HSF4: variants seen among roughly 807,000 people sequenced by gnomAD.
HSF4 encodes the protein heat shock factor protein 4.
In HSF4, 41 loss-of-function variants were observed where a neutral mutation model predicts 52.0. That is an observed-to-expected ratio of 0.79 (90% CI 0.61 to 1.02). HSF4 has a LOEUF of 1.02. Among genes scored for constraint, HSF4 ranks in the 50% least tolerant of loss-of-function variants. HSF4 has a pLI of 0.00. For missense variants in HSF4, 610 were observed against 651.1 expected (o/e 0.94, Z 0.69); for synonymous variants, 285 against 273.0 (o/e 1.04, Z -0.43).
Position 67,165,566 on chromosome 16 carries a change from G to A in HSF4, c.168G>A (p.Lys56=), listed in dbSNP as rs1382177581. The A allele has an allele frequency of 6.2e-7, 1 of 1,613,210 alleles. No individual in the cohort carries two copies. The highest frequency in any genetic ancestry group is 1.3e-5 in the African/African-American group (1 of 74,936). The part of the protein sequence containing the change: ...FLVSDQSRFA[K]EVLPQYFKHS... Reference sequence around the variant, plus strand: ...TAAGCGACCAGAGCCGTTTCGCCAAGGAAGTGCTGCCCCAGTATTTCAAGC... The same window carrying A: ...TAAGCGACCAGAGCCGTTTCGCCAAAGAAGTGCTGCCCCAGTATTTCAAGC... Residue 56 remains lysine, a synonymous_variant, in exon 2 of 13, where the codon AAG becomes AAA. Coordinates refer to ENST00000521374, the MANE Select transcript of HSF4 (RefSeq NM_001374675.1). The surrounding 1 kb of genome is among the most constrained non-coding windows in gnomAD (Gnocchi z 6.9).
Position 67,167,814 on chromosome 16 carries a change from T to C in HSF4, c.949T>C (p.Cys317Arg), listed in dbSNP as rs1389167093. The change falls in exon 9 of 13, where the codon TGC becomes CGC. Residue 317 changes from cysteine to arginine, a missense_variant. Physicochemically the swap from Cys to Arg is radical, Grantham distance 180. Coordinates refer to ENST00000521374, the MANE Select transcript of HSF4 (RefSeq NM_001374675.1). ...CCTGGCCCCAAACGAGTGTGACTTCTGCGTGACAGCCCCCCCGCCACTGCC... is the reference window on the plus strand; with the variant it reads ...CCTGGCCCCAAACGAGTGTGACTTCCGCGTGACAGCCCCCCCGCCACTGCC... ...LALAPNECDF[C>R]VTAPPPLPVA... 1 of 1,594,354 alleles carries C rather than the reference T, an allele frequency of 6.3e-7. No individual in the cohort carries two copies. The highest frequency in any genetic ancestry group is 8.5e-7 in the Non-Finnish European group (1 of 1,171,272).
chr16:67,163,910 C>T, upstream of HSF4: 2 of 1,518,776 alleles, frequency 1.3e-6, no homozygotes, highest in Non-Finnish European at 8.8e-7. Flanking sequence ...GTGCTAGTGC[C>T]TTCTTTTGGG....
intron 10 of HSF4, 27 bp downstream of exon 10, chr16:67,168,963 G>A: frequency 6.2e-7 from 1 of 1,613,102 alleles, no homozygotes; most frequent in South Asian, 1.1e-5. Context: ...CTGAAACAGG[G>A]GCATGAGACC....
upstream of HSF4, chr16:67,164,317 C>A: frequency 2.6e-6 from 1 of 386,152 alleles, no homozygotes; most frequent in Non-Finnish European, 5.1e-6. Context: ...AGGGTCGGGG[C>A]ACTCACACCC....
At chr16:67,163,878 G>GC (rs965162501), upstream of HSF4, 2 of 1,526,712 alleles carry the variant, frequency 1.3e-6, no homozygotes, top group East Asian at 4.6e-5. Context: ...GGGAACGGGG[G>GC]GGGTGTCCAG....
chr16:67,168,086 C>CTCTT (rs2031437922), intron 9 of HSF4, 139 bp downstream of exon 9: 1 of 774,564 alleles, frequency 1.3e-6, no homozygotes, highest in Non-Finnish European at 2.2e-6. Context: ...AAAGCAGAGC[C>CTCTT]TCCCAGTCAG....
At chr16:67,164,665 C>G (rs2031105380), upstream of HSF4, 3 of 959,046 alleles carry the variant, frequency 3.1e-6, no homozygotes, top group South Asian at 1.7e-5. Flanking sequence ...GTCCGAGCCC[C>G]GCCCCGCGGG....
chr16:67,164,948 C>A lies in HSF4; in HGVS notation c.123+14C>A, dbSNP rs756347785. On this transcript the variant is annotated intron_variant, in intron 1 of 12. Coordinates refer to ENST00000521374, the MANE Select transcript of HSF4 (RefSeq NM_001374675.1). ...CGCTGGAGCCCGGTGAGGGCCGGGGCCCCTCGATTCCCCCTGTGGTCCCGG... is the reference window on the plus strand; with the variant it reads ...CGCTGGAGCCCGGTGAGGGCCGGGGACCCTCGATTCCCCCTGTGGTCCCGG... The A allele has an allele frequency of 1.9e-6, 3 of 1,591,312 alleles. No homozygotes were observed. Among genetic ancestry groups the A allele is most frequent in the South Asian group, 2.3e-5 (2 of 88,368 alleles).
rs370083477 is a variant in HSF4, at chr16:67,168,498, A to AAG, written c.1083-317_1083-316dup. Among the ~76,000 whole-genome samples, 753 of 151,062 alleles carry AAG rather than the reference A, an allele frequency of 5.0e-3. 6 individuals carry two copies. The highest frequency in any genetic ancestry group is 7.4e-3 in the Non-Finnish European group (499 of 67,672). On this transcript the variant is annotated intron_variant, in intron 9 of 12. Transcript: ENST00000521374. Reference sequence around the variant, plus strand: ...AAAAAAGAAAAGAAAGAAAGAAGGAAAGAGAGAGAGAGAGAGAAAGAAAAA... The same window carrying AAG: ...AAAAAAGAAAAGAAAGAAAGAAGGAAAGAGAGAGAGAGAGAGAGAAAGAAAAA...
intron 4 of HSF4, 61 bp downstream of exon 4, chr16:67,166,131 T>A: frequency 6.7e-7 from 1 of 1,495,760 alleles, no homozygotes; most frequent in South Asian, 1.2e-5. Flanking sequence ...AGACCATAAC[T>A]GGCCGGCCAG....
At position 67,169,611 on chromosome 16, in the gene HSF4, C is replaced by T. The variant is rs1446441483; in HGVS notation, c.1325-20C>T. 7 of 1,603,560 alleles carry T rather than the reference C, an allele frequency of 4.4e-6. No individual in the cohort carries two copies. The highest frequency in any genetic ancestry group is 1.3e-5 in the African/African-American group (1 of 74,926). ...GAGGGGGAACATTTCCCCTGGTGAG[C>T]GCAGTCCCACTTCTCCTAGGGAAGG... On this transcript the variant is annotated intron_variant, in intron 12 of 12. Coordinates refer to ENST00000521374, the MANE Select transcript of HSF4 (RefSeq NM_001374675.1). This position sits in a 1 kb window ranked among gnomAD's most constrained non-coding sequence, Gnocchi z 4.3.
At position 67,167,133 on chromosome 16, in the gene HSF4, G is replaced by C; in HGVS notation, c.640G>C (p.Asp214His). The C allele has an allele frequency of 6.2e-7, 1 of 1,614,168 alleles. No homozygotes were observed. Among genetic ancestry groups the C allele is most frequent in the Non-Finnish European group, 8.5e-7 (1 of 1,180,012 alleles). ...GGKRKLSLML[D>H]EGSSCPTPAK... Reference sequence around the variant, plus strand: ...TCGACCACACAGGTCCCTGATGCTGGATGAGGGGAGCTCATGCCCAACACC... The same window carrying C: ...TCGACCACACAGGTCCCTGATGCTGCATGAGGGGAGCTCATGCCCAACACC... Residue 214 changes from aspartate to histidine, a missense_variant, in exon 7 of 13, where the codon GAT (aspartate) becomes CAT (histidine). Physicochemically the swap from Asp to His is moderately conservative, Grantham distance 81. Transcript: ENST00000521374.
chr16:67,165,473 C>T lies in HSF4; in HGVS notation c.124-49C>T, dbSNP rs1328451433. ...GGACTGGCCGTGAGCGGGCACCGCT[C>T]ACCCTCCTGGTCTCCGCCCGCACGG... is the stretch of plus-strand genomic sequence containing the variant. On this transcript the variant is annotated intron_variant, in intron 1 of 12. Coordinates refer to ENST00000521374, the MANE Select transcript of HSF4 (RefSeq NM_001374675.1). The surrounding 1 kb of genome is among the most constrained non-coding windows in gnomAD (Gnocchi z 6.9). 1 of 1,553,354 alleles carries T rather than the reference C, an allele frequency of 6.4e-7. No homozygotes were observed. The highest frequency in any genetic ancestry group is 2.2e-5 in the East Asian group (1 of 44,604).
At chr16:67,167,410 TTGG>T (rs1416523180) in intron 7 of HSF4, 62 bp from the exon 8 acceptor site, 1 of 1,612,978 alleles carries the variant, frequency 6.2e-7, no homozygotes, top group African/African-American at 1.3e-5. Context: ...CAGGTGGGTG[TTGG>T]TGGGGTTCTG....
Position 67,167,844 on chromosome 16 carries a change from G to T in HSF4, c.979G>T (p.Ala327Ser), listed in dbSNP as rs2031423184. ...CVTAPPPLPV[A>S]VVQAILEGKG... ...GACAGCCCCCCCGCCACTGCCTGTG[G>T]CTGTGGTGCAGGCCATCCTGGAAGG... The change falls in exon 9 of 13, where the codon GCT (alanine) becomes TCT (serine). Residue 327 changes from alanine to serine, a missense_variant. Coordinates refer to ENST00000521374, the MANE Select transcript of HSF4 (RefSeq NM_001374675.1). The T allele has an allele frequency of 6.2e-7, 1 of 1,604,770 alleles. No individual in the cohort carries two copies. The highest frequency in any genetic ancestry group is 8.5e-7 in the Non-Finnish European group (1 of 1,176,440).
Position 67,169,020 on chromosome 16 carries a change from C to G in HSF4, c.1189-16C>G. ...GGAGCCTGGGGAGGGCACCACTGAC[C>G]CAGAGCTCTCCTCAGGTGCTGGGCC... On this transcript the variant is annotated splice_polypyrimidine_tract_variant and intron_variant, in intron 10 of 12. Transcript: ENST00000521374. The surrounding 1 kb of genome is among the most constrained non-coding windows in gnomAD (Gnocchi z 4.3). 1 of 1,613,876 alleles carries G rather than the reference C, an allele frequency of 6.2e-7. No individual in the cohort carries two copies. The highest frequency in any genetic ancestry group is 1.3e-5 in the African/African-American group (1 of 75,010).
In HSF4 at chr16:67,164,788, G is replaced by T. The variant is rs1182941476; in HGVS notation, c.-24G>T. The T allele has an allele frequency of 3.2e-6, 5 of 1,580,316 alleles. No homozygotes were observed. The highest frequency in any genetic ancestry group is 3.4e-6 in the Non-Finnish European group (4 of 1,171,234). On this transcript the variant is annotated 5_prime_UTR_variant, in exon 1 of 13. Coordinates refer to ENST00000521374, the MANE Select transcript of HSF4 (RefSeq NM_001374675.1). ...GAGCCCGCAGCGGCCGGGCCCGAGC[G>T]CAGAGCCGGGCCGAGACTGCACCAT...
At chr16:67,164,596 A>ACCCCACCCCACCCCTCCACTCCC (rs2031100390), upstream of HSF4, 1 of 178,456 alleles carries the variant, frequency 5.6e-6, no homozygotes. Context: ...CCTCCACTCC[A>ACCCCACCCCACCCCTCCACTCCC]CTCCACTCCA....
At position 67,165,470 on chromosome 16, in the gene HSF4, G is replaced by A. The variant is rs975161914; in HGVS notation, c.124-52G>A. 6.5e-7 allele frequency: 1 copy of A among 1,543,056 alleles called. No homozygotes were observed. Among genetic ancestry groups the A allele is most frequent in the Non-Finnish European group, 9.0e-7 (1 of 1,117,318 alleles). The stretch of plus-strand genomic sequence containing the variant: ...GCAGGACTGGCCGTGAGCGGGCACC[G>A]CTCACCCTCCTGGTCTCCGCCCGCA... On this transcript the variant is annotated intron_variant, in intron 1 of 12. Coordinates refer to ENST00000521374, the MANE Select transcript of HSF4 (RefSeq NM_001374675.1). This position sits in a 1 kb window ranked among gnomAD's most constrained non-coding sequence, Gnocchi z 6.9.
Sources: allele counts gnomAD v4.1 joint callset (sites outside exome capture counted in the v4.1 genomes callset), GRCh38; gene constraint gnomAD v4.1.1; non-coding constraint Gnocchi (gnomAD v3.1); transcripts MANE v1.5; gene names NCBI Gene and HGNC (gene_info 2026-07-23, HGNC 2026-07-21).